Variants in PGAP6 observed in about 807,000 individuals in gnomAD.
PGAP6 encodes the protein post-GPI attachment to proteins factor 6.
PGAP6 carries 62 observed loss-of-function variants against 68.4 expected under a neutral mutation model. That is an observed-to-expected ratio of 0.91 (90% CI 0.74 to 1.12). The LOEUF (loss-of-function observed/expected upper bound fraction) is 1.12, where lower values mean the gene tolerates loss of function less well. PGAP6 is among the 50% of genes most tolerant of loss of function. The pLI, the probability that PGAP6 is intolerant of heterozygous loss-of-function variation, is 0.00. For missense variants in PGAP6, 1,188 were observed against 1,068.5 expected (o/e 1.11, Z -1.56); for synonymous variants, 575 against 474.0 (o/e 1.21, Z -2.77).
rs377677111 is a variant in PGAP6 at position 374,338 on chromosome 16, C to T, written c.1638G>A (p.Ala546=). 1.2e-5 allele frequency: 19 copies of T among 1,603,326 alleles called. No individual in the cohort carries two copies. Among genetic ancestry groups the T allele is most frequent in the African/African-American group, 6.7e-5 (5 of 74,986 alleles). Residue 546 remains alanine, a synonymous_variant, in exon 10 of 13, where the codon GCG becomes GCA. Coordinates refer to ENST00000431232, the MANE Select transcript of PGAP6 (RefSeq NM_021259.3). ...STAQTVAQQR[A]ATLLLTLSNL... is the part of the protein sequence containing the mutation. The stretch of plus-strand genomic sequence containing the variant: ...TGCTGAGCGTGAGCAGCAGTGTGGC[C>T]GCCCTCTGCTGGGCCACCGTCTGGG...
Position 374,774 on chromosome 16 carries a change from T to G in PGAP6, c.1558A>C (p.Ser520Arg), listed in dbSNP as rs997751909. Residue 520 changes from serine to arginine, a missense_variant, in exon 9 of 13, where the codon AGC becomes CGC. Transcript: ENST00000431232. ...CACTCACCTGCCTTGCAGCTGCAGCTGGCATACAGGTAGCTGTGTCTGCGG... is the reference window on the plus strand; with the variant it reads ...CACTCACCTGCCTTGCAGCTGCAGCGGGCATACAGGTAGCTGTGTCTGCGG... ...LLRRHSYLYASCSCKAGWRGW... is the reference protein window; with the variant it reads ...LLRRHSYLYARCSCKAGWRGW... 1.4e-5 allele frequency: 23 copies of G among 1,612,678 alleles called. No individual in the cohort carries two copies. Among genetic ancestry groups the G allele is most frequent in the Non-Finnish European group, 1.9e-5 (23 of 1,179,924 alleles).
In PGAP6 at chr16:374,343, T is replaced by G. The variant is rs777381280; in HGVS notation, c.1633A>C (p.Arg545=). The G allele has an allele frequency of 3.7e-6, 6 of 1,602,600 alleles. No homozygotes were observed. Among genetic ancestry groups the G allele is most frequent in the Non-Finnish European group, 5.1e-6 (6 of 1,179,082 alleles). Residue 545 remains arginine (R), a synonymous_variant, in exon 10 of 13, where the codon AGG becomes CGG. Coordinates refer to ENST00000431232, the MANE Select transcript of PGAP6 (RefSeq NM_021259.3). The part of the protein sequence containing the change: ...NSTAQTVAQQ[R]AATLLLTLSN... ...AGCGTGAGCAGCAGTGTGGCCGCCCTCTGCTGGGCCACCGTCTGGGCTGTG... is the reference window on the plus strand; with the variant it reads ...AGCGTGAGCAGCAGTGTGGCCGCCCGCTGCTGGGCCACCGTCTGGGCTGTG...
intron 7 of PGAP6, 31 bp from the exon 8 acceptor site, chr16:375,287 G>A (rs1023481015): frequency 1.2e-6 from 2 of 1,612,710 alleles, no homozygotes; most frequent in Admixed American, 1.7e-5. Context: ...CCCATCAGAG[G>A]AGGCCGGGGC....
chr16:372,398 G>C lies in PGAP6; in HGVS notation c.2020-115C>G, dbSNP rs539059704. 59 of 1,218,670 alleles carry C rather than the reference G, an allele frequency of 4.8e-5. No individual in the cohort carries two copies. In the Middle Eastern group the frequency reaches 2.2e-3, roughly 44 times the overall value. The allele number at this position is 1,218,670 out of a possible 1,614,324, so 75.5% of individuals were successfully genotyped here. A position where few individuals can be genotyped will look rare whatever the true frequency, so the allele number is the denominator to read the frequency against. On this transcript the variant is annotated intron_variant, in intron 12 of 12. Coordinates refer to ENST00000431232, the MANE Select transcript of PGAP6 (RefSeq NM_021259.3). ...CCAGGTCTGGGCAGCAGAACGACAA[G>C]GGTGGGCTGCTTCGAGGGGGCTCAA...
upstream of PGAP6, among the ~76,000 whole-genome samples, chr16:384,699 A>G (rs1381151236): frequency 6.6e-6 from 1 of 152,070 alleles, no homozygotes; most frequent in Non-Finnish European, 1.5e-5. Flanking sequence ...TACTAAAAAT[A>G]TAAAAAGTTA....
intron 1 of PGAP6, among the ~76,000 whole-genome samples, chr16:381,480 C>A (rs1050530435): frequency 2.6e-5 from 4 of 152,186 alleles, no homozygotes; most frequent in African/African-American, 7.2e-5. Flanking sequence ...GTGGCCCAAC[C>A]CCGATCGGGG....
Position 381,968 on chromosome 16 carries a change from C to T in PGAP6, c.-147G>A, listed in dbSNP as rs1392374485. The T allele has an allele frequency of 4.1e-6, 4 of 976,658 alleles. No homozygotes were observed. The highest frequency in any genetic ancestry group is 3.5e-5 in the African/African-American group (2 of 56,510). 60.5% of individuals were successfully genotyped at this position (976,658 alleles called of 1,614,324 possible). A position where few individuals can be genotyped will look rare whatever the true frequency, so the allele number is the denominator to read the frequency against. ...GCCCGGCCGGTCCCCGCCGCCGTCG[C>T]CCCGGGCACTTCCGCCCGCAGGCCC... On this transcript the variant is annotated 5_prime_UTR_variant, in exon 1 of 13. Transcript: ENST00000431232.
Position 370,859 on chromosome 16 carries a change from G to C in PGAP6, c.*1128C>G, listed in dbSNP as rs1308735452. 1 of 152,452 alleles carries C rather than the reference G, an allele frequency of 6.6e-6. No homozygotes were observed. The highest frequency in any genetic ancestry group is 6.5e-5 in the Admixed American group (1 of 15,288). 9.4% of individuals were successfully genotyped at this position (152,452 alleles called of 1,614,324 possible). On this transcript the variant is annotated 3_prime_UTR_variant, in exon 13 of 13. Coordinates refer to ENST00000431232, the MANE Select transcript of PGAP6 (RefSeq NM_021259.3). The stretch of plus-strand genomic sequence containing the variant: ...ATAGATCAGATCTACATAAAAATAT[G>C]TCTTAATATCTTAGAATTTTCCTTT...
chr16:377,678 T>C lies in PGAP6; in HGVS notation c.292A>G (p.Ile98Val), dbSNP rs775014998. 6.3e-7 allele frequency: 1 copy of C among 1,582,946 alleles called. No individual in the cohort carries two copies. The highest frequency in any genetic ancestry group is 1.8e-5 in the Admixed American group (1 of 55,170). Residue 98 changes from isoleucine to valine, a missense_variant, in exon 2 of 13, where the codon ATC becomes GTC. Ile to Val is a conservative substitution (Grantham distance 29). Coordinates refer to ENST00000431232, the MANE Select transcript of PGAP6 (RefSeq NM_021259.3). ...ESGAACTDAEITVHFRSGAPP... is the reference protein window; with the variant it reads ...ESGAACTDAEVTVHFRSGAPP... Reference sequence around the variant, plus strand: ...GGGCGGGCAGCCACCTACACGGTGATCTCCGCGTCGGTGCAGGCAGCGCCG... The same window carrying C: ...GGGCGGGCAGCCACCTACACGGTGACCTCCGCGTCGGTGCAGGCAGCGCCG...
chr16:376,194 C>A lies in PGAP6; in HGVS notation c.1166G>T (p.Arg389Leu). The stretch of plus-strand genomic sequence containing the variant: ...CCCGCTGTCCATGCCGGTGTTCAGG[C>A]GCAGCCGCATCACGGAGGGCGTGTC... ...CSDTPSVMRL[R>L]LNTGMDSGGS... The change falls in exon 6 of 13, where the codon CGC becomes CTC. Residue 389 changes from arginine to leucine, a missense_variant. Arg to Leu is a moderately radical substitution (Grantham distance 102). Transcript: ENST00000431232. 3 of 1,612,506 alleles carry A rather than the reference C, an allele frequency of 1.9e-6. No homozygotes were observed. The highest frequency in any genetic ancestry group is 2.5e-6 in the Non-Finnish European group (3 of 1,179,914).
Position 377,776 on chromosome 16 carries a change from G to A in PGAP6, c.194C>T (p.Ala65Val). The change falls in exon 2 of 13, where the codon GCC becomes GTC. Residue 65 changes from alanine to valine, a missense_variant. Coordinates refer to ENST00000431232, the MANE Select transcript of PGAP6 (RefSeq NM_021259.3). Reference sequence around the variant, plus strand: ...GGGCACGCGGAAGCGGAAGAGCCTGGCACTGCCGTACCAGCTGTAGAAGGA... The same window carrying A: ...GGGCACGCGGAAGCGGAAGAGCCTGACACTGCCGTACCAGCTGTAGAAGGA... ...RLSFYSWYGS[A>V]RLFRFRVPPD... 3.2e-6 allele frequency: 5 copies of A among 1,586,892 alleles called. No individual in the cohort carries two copies. Among genetic ancestry groups the A allele is most frequent in the Non-Finnish European group, 4.3e-6 (5 of 1,167,376 alleles).
chr16:374,182 C>T, intron 10 of PGAP6, 31 bp from the exon 11 acceptor site: 1 of 1,610,446 alleles, frequency 6.2e-7, no homozygotes, highest in Non-Finnish European at 8.5e-7. Context: ...CGCGGTCCTG[C>T]CCTCCCACCC....
In PGAP6 at chr16:376,288, G is replaced by A. The variant is rs766826686; in HGVS notation, c.1072C>T (p.Arg358Trp). ...ACCGACACCACGTCCATGTCCTCCCGCGTGACTGGGTAGTTTGTGAGGCAG... is the reference window on the plus strand; with the variant it reads ...ACCGACACCACGTCCATGTCCTCCCACGTGACTGGGTAGTTTGTGAGGCAG... ...PFCLTNYPVT[R>W]EDMDVVSVHF... The change falls in exon 6 of 13, where the codon CGG (arginine) becomes TGG (tryptophan). Residue 358 changes from arginine (R) to tryptophan (W), a missense_variant. Arg to Trp is a moderately radical substitution (Grantham distance 101). Coordinates refer to ENST00000431232, the MANE Select transcript of PGAP6 (RefSeq NM_021259.3). The A allele has an allele frequency of 4.0e-5, 64 of 1,612,680 alleles. No individual in the cohort carries two copies. The highest frequency in any genetic ancestry group is 1.5e-4 in the Admixed American group (9 of 60,006).
At chr16:378,225 G>GCCATCCCCACCCGC (rs1567325694) in intron 1 of PGAP6, among the ~76,000 whole-genome samples, 14 of 13,812 alleles carry the variant, frequency 1.0e-3, no homozygotes, top group African/African-American at 1.9e-3. Flanking sequence ...TCGCCACCCT[G>GCCATCCCCACCCGC]ACTGCCATCG....
Position 372,043 on chromosome 16 carries a change from G to C in PGAP6, c.2260C>G (p.Pro754Ala). The change falls in exon 13 of 13, where the codon CCC becomes GCC. Residue 754 changes from proline to alanine, a missense_variant. By Grantham distance (27) the Pro-to-Ala change is conservative (BLOSUM62 -1). Transcript: ENST00000431232. Reference protein sequence around the residue: ...AEPWACSQKFPCHYQICKNDR... With the variant: ...AEPWACSQKFACHYQICKNDR... ...TTCTTGCAGATCTGATAGTGGCAGG[G>C]GAATTTCTGCGAGCAGGCCCAGGGC... 1 of 1,612,666 alleles carries C rather than the reference G, an allele frequency of 6.2e-7. No individual in the cohort carries two copies. Among genetic ancestry groups the C allele is most frequent in the Admixed American group, 1.7e-5 (1 of 60,010 alleles).
chr16:381,234 G>T (rs918389772), intron 1 of PGAP6, among the ~76,000 whole-genome samples: 2 of 152,234 alleles, frequency 1.3e-5, no homozygotes, highest in African/African-American at 4.8e-5. Flanking sequence ...GGGGGTCACT[G>T]CGGAAGGGCT....
Position 372,143 on chromosome 16 carries a change from G to A in PGAP6, c.2160C>T (p.Tyr720=). The A allele has an allele frequency of 6.2e-7, 1 of 1,612,988 alleles. No individual in the cohort carries two copies. Among genetic ancestry groups the A allele is most frequent in the East Asian group, 2.2e-5 (1 of 44,868 alleles). ...GCAGGATGTGCCAGATGCTGTGGGTGTAGTAGTAGTTGTCGCTAGTCATCA... is the reference window on the plus strand; with the variant it reads ...GCAGGATGTGCCAGATGCTGTGGGTATAGTAGTAGTTGTCGCTAGTCATCA... ...TSMMTSDNYY[Y]THSIWHILLA... is the part of the protein sequence containing the mutation. Residue 720 remains tyrosine (Y), a synonymous_variant, in exon 13 of 13, where the codon TAC becomes TAT. Coordinates refer to ENST00000431232, the MANE Select transcript of PGAP6 (RefSeq NM_021259.3).
intron 1 of PGAP6, among the ~76,000 whole-genome samples, chr16:379,611 C>T (rs1264003521): frequency 6.6e-6 from 1 of 152,232 alleles, no homozygotes; most frequent in African/African-American, 2.4e-5. Context: ...ACACACAGCC[C>T]CTGGGCTGCT....
upstream of PGAP6, chr16:382,027 G>A (rs1453085554): frequency 3.6e-6 from 3 of 824,658 alleles, no homozygotes; most frequent in Admixed American, 5.7e-5. Flanking sequence ...GGCGAGGGCG[G>A]GGTCGGGGGG....
Sources: allele counts gnomAD v4.1 joint callset (sites outside exome capture counted in the v4.1 genomes callset), GRCh38; gene constraint gnomAD v4.1.1; transcripts MANE v1.5; gene names NCBI Gene and HGNC (gene_info 2026-07-23, HGNC 2026-07-21).